The following DEPDC5 variants were observed in gnomAD, a reference collection of about 807,000 sequenced individuals.
DEPDC5 encodes GATOR1 complex protein DEPDC5.
Under a neutral mutation model 217.3 loss-of-function variants are expected in DEPDC5, and 73 were observed. The ratio of observed to expected loss-of-function variants is 0.34; its 90% confidence interval spans 0.28 to 0.41. The LOEUF is 0.41. Ranked by LOEUF, DEPDC5 falls within the 10% of genes least tolerant of loss-of-function variation. DEPDC5 has a pLI of 1.00. For synonymous variants in DEPDC5, 733 were observed against 756.7 expected (o/e 0.97, Z 0.51); for missense variants, 1,675 against 2,070.1 (o/e 0.81, Z 3.70).
At chr22:31,768,701 A>T in intron 6 of DEPDC5, 113 bp from the exon 7 acceptor site, 1 of 894,842 alleles carries the variant, frequency 1.1e-6, no homozygotes, top group Non-Finnish European at 1.7e-6. Flanking sequence ...TTAGAAAGCT[A>T]GGAGTTCTTG....
Position 31,838,781 on chromosome 22 carries a change from C to G in DEPDC5, c.2451C>G (p.Pro817=). Residue 817 remains proline (P), a synonymous_variant, in exon 27 of 43, where the codon CCC becomes CCG. Coordinates refer to ENST00000651528, the MANE Select transcript of DEPDC5 (RefSeq NM_001242896.3). ...LMQGYQIIVQ[P]KTQKPNPAVP... ...AGGGCTACCAAATCATAGTGCAGCC[C>G]AAGACACAGAAACCCAATCCTGCTG... The G allele has an allele frequency of 6.2e-7, 1 of 1,614,082 alleles. No individual in the cohort carries two copies. The highest frequency in any genetic ancestry group is 8.5e-7 in the Non-Finnish European group (1 of 1,179,992).
intron 10 of DEPDC5, 134 bp from the exon 11 acceptor site, chr22:31,791,899 C>G (rs972497971): frequency 1.9e-5 from 8 of 421,244 alleles, no homozygotes; most frequent in Non-Finnish European, 2.7e-5. Context: ...TGCACTCCAG[C>G]CTGGTGGCAG....
chr22:31,787,543 AC>A (rs1327979678), intron 10 of DEPDC5, among the ~76,000 whole-genome samples: 1 of 152,170 alleles, frequency 6.6e-6, no homozygotes, highest in African/African-American at 2.4e-5. Flanking sequence ...CTGCTGGCTC[AC>A]ACCTTTAATC....
At position 31,765,076 on chromosome 22, in the gene DEPDC5, G is replaced by A. The variant is rs187719375; in HGVS notation, c.279+16G>A. ...AGACCCTAAGGTATGTCTTTGTTTT[G>A]TACTTGAATATCTTTTTGGAATAAG... On this transcript the variant is annotated intron_variant, in intron 5 of 42. Transcript: ENST00000651528. 2 of 1,598,026 alleles carry A rather than the reference G, an allele frequency of 1.3e-6. No individual in the cohort carries two copies. Among genetic ancestry groups the A allele is most frequent in the East Asian group, 4.5e-5 (2 of 44,762 alleles).
intron 21 of DEPDC5, 51 bp from the exon 22 acceptor site, chr22:31,818,971 A>T (rs1169206023): frequency 1.3e-6 from 2 of 1,594,012 alleles, no homozygotes; most frequent in South Asian, 2.2e-5. Context: ...CTCTGGTTTC[A>T]CTGTGGTTCT....
intron 4 of DEPDC5, among the ~76,000 whole-genome samples, chr22:31,763,897 G>GT (rs1246874335): frequency 3.3e-5 from 5 of 151,954 alleles, no homozygotes; most frequent in Non-Finnish European, 5.9e-5. Flanking sequence ...GTGGTGTTAT[G>GT]TTTTTTATGT....
At chr22:31,886,765 A>G (rs917387025) in intron 38 of DEPDC5, among the ~76,000 whole-genome samples, 101 of 146,092 alleles carry the variant, frequency 6.9e-4, no homozygotes, top group Non-Finnish European at 1.1e-3. Context: ...CAAAAAAAAA[A>G]AAAAAAAAAA....
chr22:31,879,876 CCA>C, intron 38 of DEPDC5, 124 bp downstream of exon 38: 5 of 927,892 alleles, frequency 5.4e-6, no homozygotes, highest in Non-Finnish European at 8.1e-6. Flanking sequence ...GTCACACAGG[CCA>C]CTGTGTCTGT....
Position 31,873,297 on chromosome 22 carries a change from C to T in DEPDC5, c.3528C>T (p.Thr1176=), listed in dbSNP as rs755921855. Residue 1176 remains threonine, a synonymous_variant, in exon 35 of 43, where the codon ACC becomes ACT. Coordinates refer to ENST00000651528, the MANE Select transcript of DEPDC5 (RefSeq NM_001242896.3). ...LVASSLTSSS[T]LTEILEAMKH... is the part of the protein sequence containing the mutation. ...CAAGCTCCTTGACCTCATCCTCTAC[C>T]CTGACAGAGATCCTGGAAGCCATGA... 1 of 1,613,922 alleles carries T rather than the reference C, an allele frequency of 6.2e-7. No homozygotes were observed. Among genetic ancestry groups the T allele is most frequent in the African/African-American group, 1.3e-5 (1 of 74,914 alleles).
At chr22:31,834,153 A>C (rs2090815792) in intron 25 of DEPDC5, 173 bp downstream of exon 25, 1 of 724,446 alleles carries the variant, frequency 1.4e-6, no homozygotes, top group African/African-American at 1.7e-5. Flanking sequence ...TGTGATGGAA[A>C]GTGAGGGGGT....
At chr22:31,808,258 A>ATT (rs961201691) in intron 18 of DEPDC5, among the ~76,000 whole-genome samples, 35 of 133,122 alleles carry the variant, frequency 2.6e-4, no homozygotes, top group African/African-American at 8.8e-4. Context: ...ACCATGCCTA[A>ATT]TTTTTTTTTT....
At chr22:31,902,317 C>A (rs1454002730) in intron 41 of DEPDC5, among the ~76,000 whole-genome samples, 1 of 151,232 alleles carries the variant, frequency 6.6e-6, no homozygotes, top group Admixed American at 6.6e-5. Flanking sequence ...CTGATGGCCA[C>A]TTCATGTTAG....
chr22:31,820,372 A>C (rs1446264910), intron 22 of DEPDC5, among the ~76,000 whole-genome samples: 1 of 152,136 alleles, frequency 6.6e-6, no homozygotes, highest in Non-Finnish European at 1.5e-5. Context: ...CCGGCTTCCC[A>C]GTGTGCTGGC....
At chr22:31,879,468 A>T (rs1569185321) in intron 37 of DEPDC5, 57 bp from the exon 38 acceptor site, 2 of 1,520,576 alleles carry the variant, frequency 1.3e-6, no homozygotes, top group Non-Finnish European at 9.0e-7. Flanking sequence ...AGCATGCATC[A>T]TGAAGAAAAT....
Position 31,818,813 on chromosome 22 carries a change from A to C in DEPDC5, c.1667-209A>C, listed in dbSNP as rs183444909. ...TTCATTTTGCCAGTAATTTAGAACC[A>C]AAACTCCCTTCTCCCAAGTATTTAA... On this transcript the variant is annotated intron_variant, in intron 21 of 42. Coordinates refer to ENST00000651528, the MANE Select transcript of DEPDC5 (RefSeq NM_001242896.3). Among the ~76,000 whole-genome samples, 158 of 152,368 alleles carry C rather than the reference A, an allele frequency of 1.0e-3. No individual in the cohort carries two copies. The Middle Eastern group carries it at 0.017, about 16-fold the overall frequency.
chr22:31,872,267 GAT>G (rs2092865866), intron 34 of DEPDC5, among the ~76,000 whole-genome samples: 1 of 152,172 alleles, frequency 6.6e-6, no homozygotes, highest in Admixed American at 6.5e-5. Context: ...CCTGGATTCA[GAT>G]CCACATCCTG....
At chr22:31,800,062 A>G (rs1387452921) in intron 14 of DEPDC5, among the ~76,000 whole-genome samples, 1 of 151,996 alleles carries the variant, frequency 6.6e-6, no homozygotes, top group Non-Finnish European at 1.5e-5. Context: ...TGGCCTCCCA[A>G]AGTGCTGGGA....
chr22:31,768,203 T>C (rs2148155740), intron 6 of DEPDC5, among the ~76,000 whole-genome samples: 1 of 152,114 alleles, frequency 6.6e-6, no homozygotes, highest in East Asian at 1.9e-4. Context: ...ACCCAAACAG[T>C]ACACCACACC....
intron 37 of DEPDC5, among the ~76,000 whole-genome samples, chr22:31,878,793 C>T (rs1246716124): frequency 1.3e-5 from 2 of 151,874 alleles, no homozygotes; most frequent in Non-Finnish European, 2.9e-5. Flanking sequence ...AATCCCAGCA[C>T]TTTGGGAGGC....
Sources: gnomAD v4.1 joint callset for allele counts (sites outside exome capture counted in the v4.1 genomes callset) on GRCh38, gnomAD v4.1.1 for gene constraint, MANE v1.5 for transcripts, NCBI Gene and HGNC (gene_info 2026-07-23, HGNC 2026-07-21) for gene names.